Variants in TSC1 observed in about 807,000 individuals in gnomAD.
TSC1 encodes the protein hamartin.
TSC1 carries 20 observed loss-of-function variants against 124.3 expected under a neutral mutation model. That is an observed-to-expected ratio of 0.16 (90% CI 0.11 to 0.23). The LOEUF is 0.23. Among genes scored for constraint, TSC1 ranks in the 10% least tolerant of loss-of-function variants. TSC1 has a pLI of 1.00. For synonymous variants in TSC1, 493 were observed against 539.1 expected, an observed-to-expected ratio of 0.91 and a Z score of 1.19; for missense variants, 1,124 against 1,448.5, an observed-to-expected ratio of 0.78 and a Z score of 3.64.
intron 1 of TSC1, chr9:132,943,825 CAAAG>C (rs1847884088): frequency 6.6e-6 from 1 of 152,216 alleles, no homozygotes; most frequent in South Asian, 2.1e-4. Context: ...ACAGGAAACA[CAAAG>C]AAAGAGCTTT....
At chr9:132,936,587 AT>A (rs1281637938) in intron 1 of TSC1, among the ~76,000 whole-genome samples, 4 of 152,198 alleles carry the variant, frequency 2.6e-5, no homozygotes, top group Admixed American at 2.0e-4. Flanking sequence ...TCCATGCTAA[AT>A]GAGTATATAT....
intron 3 of TSC1, among the ~76,000 whole-genome samples, chr9:132,927,913 T>G (rs1846976541): frequency 1.3e-5 from 2 of 152,158 alleles, no homozygotes; most frequent in African/African-American, 4.8e-5. Context: ...AAAATGAAAG[T>G]GCTCCTCACC....
intron 19 of TSC1, 86 bp from the exon 20 acceptor site, chr9:132,900,923 C>G (rs186143484): frequency 2.2e-5 from 35 of 1,591,284 alleles, no homozygotes; most frequent in Middle Eastern, 3.3e-4. Context: ...CAGCTAGGAG[C>G]ACACTATTTC....
chr9:132,935,774 AAG>A (rs963848016), intron 1 of TSC1, among the ~76,000 whole-genome samples: 3 of 152,266 alleles, frequency 2.0e-5, no homozygotes, highest in Admixed American at 1.3e-4. Context: ...TCCTGAGCCT[AAG>A]AGAGTCTACC....
Position 132,897,623 on chromosome 9 carries a change from A to AAG in TSC1, c.2626-14_2626-13insCT. 6.3e-7 allele frequency: 1 copy of AAG among 1,579,950 alleles called. No individual in the cohort carries two copies. Among genetic ancestry groups the AAG allele is most frequent in the Non-Finnish European group, 8.5e-7 (1 of 1,172,750 alleles). ...TCATTTCTACTTCCTGAAAAAAAAA[A>AAG]AAAAAAAAGACTGGAATTAGTACTT... On this transcript the variant is annotated splice_polypyrimidine_tract_variant and intron_variant, in intron 20 of 22. Transcript: ENST00000298552.
At position 132,896,600 on chromosome 9, in the gene TSC1, C is replaced by T. The variant is rs796053462; in HGVS notation, c.3130G>A (p.Glu1044Lys). 2.3e-5 allele frequency: 37 copies of T among 1,613,344 alleles called. No individual in the cohort carries two copies. Among genetic ancestry groups the T allele is most frequent in the Non-Finnish European group, 3.1e-5 (36 of 1,179,648 alleles). The change falls in exon 23 of 23, where the codon GAG becomes AAG. Residue 1044 changes from glutamate (E) to lysine (K), a missense_variant. Glu to Lys is a moderately conservative substitution (Grantham distance 56). This residue lies in a region of TSC1 where 325 missense variants were observed against 383.4 expected (regional missense o/e 0.85). Coordinates refer to ENST00000298552, the MANE Select transcript of TSC1 (RefSeq NM_000368.5). The surrounding 1 kb of genome is among the most constrained non-coding windows in gnomAD (Gnocchi z 4.5). ...GGGGGTTTCTCTGGGGTAGAAAGCT[C>T]GCTGCTGCTGCTGCTGCTGCCTCCA... is the stretch of plus-strand genomic sequence containing the variant. ...GGGGSSSSSS[E>K]LSTPEKPPHQ...
At chr9:132,935,329 C>G (rs1847402252) in intron 1 of TSC1, among the ~76,000 whole-genome samples, 1 of 152,198 alleles carries the variant, frequency 6.6e-6, no homozygotes, top group Non-Finnish European at 1.5e-5. Context: ...TAATCTCTGT[C>G]TTTTGTTAAT....
chr9:132,935,238 T>C, intron 1 of TSC1, 143 bp from the exon 2 acceptor site: 1 of 395,784 alleles, frequency 2.5e-6, no homozygotes, highest in Non-Finnish European at 4.5e-6. Context: ...ACACTCATAA[T>C]CATTGGAAGC....
Position 132,893,345 on chromosome 9 carries a change from T to C in TSC1, c.*2890A>G, listed in dbSNP as rs946784136. 1.7e-5 allele frequency: 4 copies of C among 233,228 alleles called. No homozygotes were observed. The highest frequency in any genetic ancestry group is 6.0e-5 in the East Asian group (1 of 16,614). 14.4% of individuals were successfully genotyped at this position (233,228 alleles called of 1,614,324 possible). On this transcript the variant is annotated 3_prime_UTR_variant, in exon 23 of 23. Coordinates refer to ENST00000298552, the MANE Select transcript of TSC1 (RefSeq NM_000368.5). The stretch of plus-strand genomic sequence containing the variant: ...GACCTTCCTACCTTTGGGTTTGTTT[T>C]TTTTCTATTCATGACCACGTGTTTC...
chr9:132,933,658 CATAGTGACCACAGGAGTA>C lies in TSC1; in HGVS notation c.-81+1357_-81+1374del, dbSNP rs1345921784. The stretch of plus-strand genomic sequence containing the variant: ...AGTTGAGATGATACTACACATGTGA[CATAGTGACCACAGGAGTA>C]ACCTAGCAGCCGGTAGTGCCCACAA... On this transcript the variant is annotated intron_variant, in intron 2 of 22. Coordinates refer to ENST00000298552, the MANE Select transcript of TSC1 (RefSeq NM_000368.5). Among the ~76,000 whole-genome samples the C allele has an allele frequency of 3.3e-5, 5 of 152,200 alleles. No individual in the cohort carries two copies. In the East Asian group the frequency reaches 5.8e-4, roughly 18 times the overall value.
intron 12 of TSC1, 42 bp from the exon 13 acceptor site, chr9:132,907,412 T>C: frequency 1.3e-6 from 2 of 1,497,542 alleles, no homozygotes; most frequent in Non-Finnish European, 9.3e-7. Context: ...ACGAAAAATG[T>C]TGCACATGTT....
At chr9:132,901,489 G>T in intron 19 of TSC1, 100 bp downstream of exon 19, 1 of 1,123,954 alleles carries the variant, frequency 8.9e-7, no homozygotes, top group Non-Finnish European at 1.3e-6. Flanking sequence ...GGGAACCCAT[G>T]ACACAGACAC....
At chr9:132,897,376 A>T in intron 21 of TSC1, 31 bp from the exon 22 acceptor site, 1 of 1,614,230 alleles carries the variant, frequency 6.2e-7, no homozygotes, top group Middle Eastern at 1.6e-4. Context: ...AGAATATAGG[A>T]AGTTCCACTT....
At chr9:132,944,724 C>T (rs1488486882), upstream of TSC1, 3 of 398,082 alleles carry the variant, frequency 7.5e-6, no homozygotes, top group Non-Finnish European at 1.3e-5. Flanking sequence ...TAGACGGCCG[C>T]GCTCGGCAGC....
chr9:132,930,434 C>A (rs1464734450), intron 2 of TSC1, among the ~76,000 whole-genome samples: 1 of 151,728 alleles, frequency 6.6e-6, no homozygotes, highest in Admixed American at 6.6e-5. Context: ...ACTAAAAATA[C>A]AAAAATTAGC....
intron 8 of TSC1, among the ~76,000 whole-genome samples, chr9:132,916,290 C>A (rs1293885487): frequency 6.6e-6 from 1 of 152,062 alleles, no homozygotes; most frequent in East Asian, 1.9e-4. Context: ...AGGTTCCTCC[C>A]ATCCCTCCCC....
chr9:132,901,666 C>G lies in TSC1; in HGVS notation c.2425G>C (p.Glu809Gln), dbSNP rs118203692. ...GCCTTCTTCAGTTCTATCCGCAGCT[C>G]CGCAATCATGTTCCTGCAGTCCTCC... ...KLEDCRNMIA[E>Q]LRIELKKANN... Residue 809 changes from glutamate (E) to glutamine (Q), a missense_variant, in exon 19 of 23, where the codon GAG becomes CAG. Physicochemically the swap from Glu to Gln is conservative, Grantham distance 29. This residue lies in a region of TSC1 where 321 missense variants were observed against 397.4 expected (regional missense o/e 0.81). Transcript: ENST00000298552. 1.4e-4 allele frequency: 229 copies of G among 1,613,994 alleles called. No individual in the cohort carries two copies. The highest frequency in any genetic ancestry group is 1.9e-4 in the Non-Finnish European group (220 of 1,180,044).
intron 12 of TSC1, among the ~76,000 whole-genome samples, chr9:132,907,846 G>A (rs1179826375): frequency 1.3e-5 from 2 of 152,222 alleles, no homozygotes; most frequent in Admixed American, 6.5e-5. Flanking sequence ...CAGCACTTTG[G>A]GAGGCCAAGG....
rs1420691410 is a variant in TSC1 at position 132,902,831 on chromosome 9, AC to A, written c.2209-45del. The A allele has an allele frequency of 6.2e-7, 1 of 1,608,454 alleles. No individual in the cohort carries two copies. The highest frequency in any genetic ancestry group is 2.2e-5 in the East Asian group (1 of 44,866). Reference sequence around the variant, plus strand: ...GTCATCATTTTAGCTGTCTTCCAACACAGGCAATTTAACACACACTGCGAAC... The same window carrying A: ...GTCATCATTTTAGCTGTCTTCCAACAAGGCAATTTAACACACACTGCGAAC... On this transcript the variant is annotated intron_variant, in intron 17 of 22. Transcript: ENST00000298552. The surrounding 1 kb of genome is among the most constrained non-coding windows in gnomAD (Gnocchi z 5.2).
Sources: allele counts gnomAD v4.1 joint callset (sites outside exome capture counted in the v4.1 genomes callset), GRCh38; gene constraint gnomAD v4.1.1; regional missense constraint gnomAD v4.1.1; non-coding constraint Gnocchi (gnomAD v3.1); transcripts MANE v1.5; gene names NCBI Gene and HGNC (gene_info 2026-07-23, HGNC 2026-07-21).